Variants in SCAMP5 observed in about 807,000 individuals in gnomAD.
SCAMP5 encodes secretory carrier membrane protein 5.
Under a neutral mutation model 28.3 loss-of-function variants are expected in SCAMP5, and 7 were observed. The observed-to-expected ratio is 0.25, with a 90% CI of 0.14 to 0.46. The LOEUF is 0.46. SCAMP5 is among the 20% of genes least tolerant of loss of function. SCAMP5 has a pLI of 0.99. For missense variants in SCAMP5, 192 were observed against 312.5 expected (o/e 0.61, Z 2.91); for synonymous variants, 117 against 116.4 (o/e 1.00, Z -0.03).
intron 3 of SCAMP5, 130 bp from the exon 4 acceptor site, chr15:75,016,463 T>C: frequency 7.7e-6 from 6 of 776,572 alleles, no homozygotes; most frequent in East Asian, 2.5e-5. Context: ...TTGTCTGCGC[T>C]GTTGGCCTGG....
At chr15:75,010,010 G>T (rs2065796859) in intron 1 of SCAMP5, 1 of 152,100 alleles carries the variant, frequency 6.6e-6, no homozygotes, top group South Asian at 2.1e-4. Flanking sequence ...GCAAATTTCT[G>T]CCCAGCTTTT....
At chr15:75,000,525 C>T (rs922985425) in intron 1 of SCAMP5, among the ~76,000 whole-genome samples, 6 of 151,950 alleles carry the variant, frequency 3.9e-5, no homozygotes, top group Admixed American at 2.0e-4. Flanking sequence ...GCTGGGACTA[C>T]GGGCCCGCCA....
In SCAMP5 at chr15:75,021,217, C is replaced by G. The variant is rs541717709; in HGVS notation, c.*2234C>G. The G allele has an allele frequency of 6.6e-6, 1 of 152,310 alleles. No homozygotes were observed. Among genetic ancestry groups the G allele is most frequent in the Non-Finnish European group, 1.5e-5 (1 of 68,156 alleles). The allele number at this position is 152,310 out of a possible 1,614,324, so 9.4% of individuals were successfully genotyped here. A position where few individuals can be genotyped will look rare whatever the true frequency, so the allele number is the denominator to read the frequency against. ...GTTCAGGCCCTGGGATGCTGCATCTCCAGGCAACTATGCACTTTCCCGGGG... is the reference window on the plus strand; with the variant it reads ...GTTCAGGCCCTGGGATGCTGCATCTGCAGGCAACTATGCACTTTCCCGGGG... On this transcript the variant is annotated 3_prime_UTR_variant, in exon 7 of 7. Coordinates refer to ENST00000425597, the MANE Select transcript of SCAMP5 (RefSeq NM_138967.4).
chr15:75,012,155 T>C (rs1453870633), intron 2 of SCAMP5, among the ~76,000 whole-genome samples: 1 of 152,204 alleles, frequency 6.6e-6, no homozygotes, highest in African/African-American at 2.4e-5. Flanking sequence ...CTCTATTGCT[T>C]TCTAATACTC....
rs780140239 is a variant in SCAMP5 at position 75,019,027 on chromosome 15, A to G, written c.*44A>G. On this transcript the variant is annotated 3_prime_UTR_variant, in exon 7 of 7. Coordinates refer to ENST00000425597, the MANE Select transcript of SCAMP5 (RefSeq NM_138967.4). ...GTGGCAGAGCTGGGGCCATTGGGAC[A>G]GGGGGCTCAAGCCACATCGTCATTT... is the stretch of plus-strand genomic sequence containing the variant. 3 of 1,346,514 alleles carry G rather than the reference A, an allele frequency of 2.2e-6. No homozygotes were observed. Among genetic ancestry groups the G allele is most frequent in the Admixed American group, 2.7e-5 (1 of 36,612 alleles). 83.4% of individuals were successfully genotyped at this position (1,346,514 alleles called of 1,614,324 possible).
At chr15:75,011,636 T>C (rs1205801570) in intron 1 of SCAMP5, 156 bp from the exon 2 acceptor site, 1 of 414,726 alleles carries the variant, frequency 2.4e-6, no homozygotes, top group Non-Finnish European at 4.4e-6. Context: ...AGGGTGGCTC[T>C]GGGAGGAGGG....
Position 74,996,846 on chromosome 15 carries a change from T to C in SCAMP5, c.-49+1173T>C, listed in dbSNP as rs1408928306. 2.0e-5 allele frequency among the ~76,000 whole-genome samples: 3 copies of C among 152,114 alleles called. No individual in the cohort carries two copies. The highest frequency in any genetic ancestry group is 4.4e-5 in the Non-Finnish European group (3 of 68,022). ...AGGTTTGTTCTGGGCTTGGTGAGCC[T>C]TAGGGCAAAGTCTCTAGAGCTGAGA... On this transcript the variant is annotated intron_variant, in intron 1 of 6. Coordinates refer to ENST00000425597, the MANE Select transcript of SCAMP5 (RefSeq NM_138967.4). This position sits in a 1 kb window ranked among gnomAD's most constrained non-coding sequence, Gnocchi z 4.1.
rs1468694668 is a variant in SCAMP5, at chr15:75,012,658, C to T, written c.8-19C>T. On this transcript the variant is annotated intron_variant, in intron 2 of 6. Transcript: ENST00000425597. ...GTGGAAGACTGGAGGTGATGTTGTG[C>T]AATGTGTCTCATCCACAGAGAAAGT... 16 of 1,613,700 alleles carry T rather than the reference C, an allele frequency of 9.9e-6. No homozygotes were observed. The highest frequency in any genetic ancestry group is 1.4e-5 in the Non-Finnish European group (16 of 1,179,624).
intron 1 of SCAMP5, among the ~76,000 whole-genome samples, chr15:75,011,212 A>AG (rs1211617482): frequency 7.6e-6 from 1 of 132,166 alleles, no homozygotes; most frequent in African/African-American, 3.2e-5. Context: ...TCTCAAAAAA[A>AG]GTTTTTTAAT....
intron 1 of SCAMP5, among the ~76,000 whole-genome samples, chr15:75,000,684 T>G (rs1388530611): frequency 1.3e-4 from 2 of 14,912 alleles, no homozygotes; most frequent in Admixed American, 1.9e-3. Context: ...GCACCCAGCC[T>G]TTTTTTTTTT....
rs1477321344 is a variant in SCAMP5 at position 75,018,517 on chromosome 15, C to T, written c.495C>T (p.Ser165=). 1 of 1,610,300 alleles carries T rather than the reference C, an allele frequency of 6.2e-7. No individual in the cohort carries two copies. Among genetic ancestry groups the T allele is most frequent in the East Asian group, 2.2e-5 (1 of 44,848 alleles). The change falls in exon 6 of 7, where the codon TCC becomes TCT. Residue 165 remains serine, a synonymous_variant. Transcript: ENST00000425597. The surrounding 1 kb of genome is among the most constrained non-coding windows in gnomAD (Gnocchi z 5.6). The part of the protein sequence containing the change: ...TVMFTVMAVF[S]FIALSMVHKF... The stretch of plus-strand genomic sequence containing the variant: ...TGTTCACAGTGATGGCCGTCTTTTC[C>T]TTCATCGCCCTCAGCATGGTACGTG...
chr15:74,995,623 C>G lies in SCAMP5; in HGVS notation c.-99C>G, dbSNP rs1328790900. ...TCCGCGCCGCATCGCTCGGGTGCAGCGCAGCTCAGCGCAGCGCTGCGGCCT... is the reference window on the plus strand; with the variant it reads ...TCCGCGCCGCATCGCTCGGGTGCAGGGCAGCTCAGCGCAGCGCTGCGGCCT... On this transcript the variant is annotated 5_prime_UTR_variant, in exon 1 of 7. Transcript: ENST00000425597. 6.7e-6 allele frequency: 1 copy of G among 149,596 alleles called. No homozygotes were observed. Among genetic ancestry groups the G allele is most frequent in the Non-Finnish European group, 1.5e-5 (1 of 67,004 alleles). 9.3% of individuals were successfully genotyped at this position (149,596 alleles called of 1,614,324 possible).
chr15:75,016,780 G>T, intron 4 of SCAMP5, 31 bp downstream of exon 4: 4 of 1,575,520 alleles, frequency 2.5e-6, no homozygotes, highest in Non-Finnish European at 3.5e-6. Flanking sequence ...GCAGTGCCTA[G>T]CCGTCTCTGC....
chr15:75,016,860 C>T (rs1300350945), intron 4 of SCAMP5, 111 bp downstream of exon 4: 1 of 1,027,552 alleles, frequency 9.7e-7, no homozygotes, highest in Non-Finnish European at 1.4e-6. Flanking sequence ...CCCCCAAACT[C>T]ACTTTCCCTT....
At position 75,020,892 on chromosome 15, in the gene SCAMP5, C is replaced by G. The variant is rs2065899229; in HGVS notation, c.*1909C>G. ...GGCACAAAATATAATTGCCTCTCCC[C>G]TCTCCCATTTTCTCTCTTGGGAGCA... is the stretch of plus-strand genomic sequence containing the variant. On this transcript the variant is annotated 3_prime_UTR_variant, in exon 7 of 7. Transcript: ENST00000425597. 6.6e-6 allele frequency: 1 copy of G among 152,208 alleles called. No homozygotes were observed. The highest frequency in any genetic ancestry group is 1.5e-5 in the Non-Finnish European group (1 of 68,066). The allele number at this position is 152,208 out of a possible 1,614,324, so 9.4% of individuals were successfully genotyped here.
chr15:74,999,910 T>C (rs555517381), intron 1 of SCAMP5, among the ~76,000 whole-genome samples: 2 of 152,350 alleles, frequency 1.3e-5, no homozygotes, highest in African/African-American at 4.8e-5. Flanking sequence ...ATTAAAAAGA[T>C]TGAGATAGAT....
chr15:75,011,873 T>A lies in SCAMP5; in HGVS notation c.7+27T>A, dbSNP rs573623675. 3.0e-5 allele frequency: 48 copies of A among 1,607,144 alleles called. 1 individual carries two copies. In the Middle Eastern group the frequency reaches 6.6e-4, roughly 22 times the overall value. On this transcript the variant is annotated intron_variant, in intron 2 of 6. Transcript: ENST00000425597. ...TAAGGAGAGGGGCAGGCTGTGTGGGTAGGACATGACAGTGAGCATAGCGTG... is the reference window on the plus strand; with the variant it reads ...TAAGGAGAGGGGCAGGCTGTGTGGGAAGGACATGACAGTGAGCATAGCGTG...
chr15:75,011,720 A>G, intron 1 of SCAMP5, 72 bp from the exon 2 acceptor site: 1 of 740,846 alleles, frequency 1.3e-6, no homozygotes, highest in Non-Finnish European at 2.3e-6. Flanking sequence ...TGCAGCCCAG[A>G]TGAGGAGTAG....
At chr15:75,017,471 C>T (rs1319645820) in intron 4 of SCAMP5, among the ~76,000 whole-genome samples, 4 of 152,142 alleles carry the variant, frequency 2.6e-5, no homozygotes, top group Non-Finnish European at 5.9e-5. Flanking sequence ...ATTCTAGTTC[C>T]AATGAGACTT....
Sources: gnomAD v4.1 joint callset for allele counts (sites outside exome capture counted in the v4.1 genomes callset) on GRCh38, gnomAD v4.1.1 for gene constraint, Gnocchi (gnomAD v3.1) non-coding constraint, MANE v1.5 for transcripts, NCBI Gene and HGNC (gene_info 2026-07-23, HGNC 2026-07-21) for gene names.